Variants in FGF7 observed in about 807,000 individuals in gnomAD.
FGF7 encodes fibroblast growth factor 7.
Under a neutral mutation model 20.5 loss-of-function variants are expected in FGF7, and 6 were observed. The ratio of observed to expected loss-of-function variants is 0.29; its 90% confidence interval spans 0.16 to 0.58. The LOEUF is 0.58. Among genes scored for constraint, FGF7 ranks in the 20% least tolerant of loss-of-function variants. The probability of loss-of-function intolerance (pLI) is 0.90; values close to 1 mark genes in which losing one functional copy is unlikely to be tolerated. For synonymous variants in FGF7, 64 were observed against 74.7 expected (o/e 0.86, Z 0.74); for missense variants, 144 against 228.8 (o/e 0.63, Z 2.39).
intron 2 of FGF7, among the ~76,000 whole-genome samples, chr15:49,466,062 A>G (rs2054241389): frequency 6.6e-6 from 1 of 152,234 alleles, no homozygotes; most frequent in Non-Finnish European, 1.5e-5. Flanking sequence ...GCTAATTAAT[A>G]GTACAGCAGT....
intron 2 of FGF7, among the ~76,000 whole-genome samples, chr15:49,461,619 A>G (rs570133592): frequency 1.2e-4 from 19 of 152,374 alleles, no homozygotes; most frequent in Admixed American, 1.3e-4. Flanking sequence ...ACTGGCTAGA[A>G]TAAGTTGTAC....
In FGF7 at chr15:49,462,436, G is replaced by C. The variant is rs540575542; in HGVS notation, c.287-20715G>C. Among the ~76,000 whole-genome samples, 136 of 152,326 alleles carry C rather than the reference G, an allele frequency of 8.9e-4. 5 individuals carry two copies. In the South Asian group the frequency reaches 0.027, roughly 30 times the overall value. On this transcript the variant is annotated intron_variant, in intron 2 of 3. Coordinates refer to ENST00000267843, the MANE Select transcript of FGF7 (RefSeq NM_002009.4). ...TCACTAGAGAGCTGGCCTTAGTCCA[G>C]AAGTATTTTTAGTCCAGTCTCATAA...
intron 2 of FGF7, among the ~76,000 whole-genome samples, chr15:49,447,538 C>T (rs926175186): frequency 6.6e-6 from 1 of 151,676 alleles, no homozygotes; most frequent in Non-Finnish European, 1.5e-5. Context: ...GTCTTGGTAG[C>T]ATATGCGTTG....
chr15:49,461,910 C>T (rs929818125), intron 2 of FGF7, among the ~76,000 whole-genome samples: 2 of 152,226 alleles, frequency 1.3e-5, no homozygotes, highest in Non-Finnish European at 1.5e-5. Context: ...GGCAGTGGCT[C>T]TGTAATCCTA....
intron 2 of FGF7, among the ~76,000 whole-genome samples, chr15:49,457,506 CT>C (rs1461462727): frequency 7.2e-5 from 11 of 151,874 alleles, no homozygotes; most frequent in Admixed American, 3.3e-4. Context: ...GTCACTTTTT[CT>C]TAAAAATCTA....
At chr15:49,449,056 T>C (rs556694404) in intron 2 of FGF7, among the ~76,000 whole-genome samples, 1 of 151,870 alleles carries the variant, frequency 6.6e-6, no homozygotes, top group Non-Finnish European at 1.5e-5. Context: ...CCTTGATAAG[T>C]AATTTTTGGC....
intron 2 of FGF7, among the ~76,000 whole-genome samples, chr15:49,436,008 A>C (rs1233380908): frequency 6.6e-6 from 1 of 151,560 alleles, no homozygotes; most frequent in African/African-American, 2.4e-5. Flanking sequence ...ATTAATTCTC[A>C]AAATATCTCC....
At chr15:49,448,833 A>G (rs2052463105) in intron 2 of FGF7, among the ~76,000 whole-genome samples, 1 of 151,828 alleles carries the variant, frequency 6.6e-6, no homozygotes, top group African/African-American at 2.4e-5. Flanking sequence ...AAGCTCTCCA[A>G]GAATGAACCC....
At chr15:49,460,629 A>G (rs1309292862) in intron 2 of FGF7, among the ~76,000 whole-genome samples, 21 of 152,212 alleles carry the variant, frequency 1.4e-4, no homozygotes, top group Admixed American at 1.4e-3. Flanking sequence ...GTCAGAAAAC[A>G]AATATTTTAA....
chr15:49,472,205 T>C (rs2054844051), intron 2 of FGF7, among the ~76,000 whole-genome samples: 1 of 152,160 alleles, frequency 6.6e-6, no homozygotes, highest in Non-Finnish European at 1.5e-5. Context: ...AAGATTCAGT[T>C]TGGCTTAAAA....
At position 49,486,019 on chromosome 15, in the gene FGF7, G is replaced by A. The variant is rs3959665; in HGVS notation, c.*1515G>A. On this transcript the variant is annotated 3_prime_UTR_variant, in exon 4 of 4. Coordinates refer to ENST00000267843, the MANE Select transcript of FGF7 (RefSeq NM_002009.4). ...CCTACAGATAACAGGATTATTACAA[G>A]GATGAATTTCCACTTCAAAAGTCTT... 6.6e-6 allele frequency: 1 copy of A among 151,922 alleles called. No homozygotes were observed. The highest frequency in any genetic ancestry group is 2.4e-5 in the African/African-American group (1 of 41,400). The allele number at this position is 151,922 out of a possible 1,614,324, so 9.4% of individuals were successfully genotyped here.
chr15:49,427,231 G>C (rs922031000), intron 2 of FGF7, among the ~76,000 whole-genome samples: 1 of 151,934 alleles, frequency 6.6e-6, no homozygotes, highest in African/African-American at 2.4e-5. Flanking sequence ...CTCAGAATTT[G>C]TTTAAAATAA....
At chr15:49,442,321 G>T (rs2151842391) in intron 2 of FGF7, among the ~76,000 whole-genome samples, 1 of 151,542 alleles carries the variant, frequency 6.6e-6, no homozygotes, top group Non-Finnish European at 1.5e-5. Flanking sequence ...ATTCTTCAGG[G>T]CCCAGATTAA....
chr15:49,438,715 C>T (rs530445233), intron 2 of FGF7, among the ~76,000 whole-genome samples: 24 of 151,726 alleles, frequency 1.6e-4, no homozygotes, highest in Admixed American at 4.6e-4. Flanking sequence ...AAATAGTTGA[C>T]TCTCCTAGGC....
At chr15:49,483,658 C>G (rs2056150982) in intron 3 of FGF7, among the ~76,000 whole-genome samples, 1 of 152,002 alleles carries the variant, frequency 6.6e-6, no homozygotes, top group Non-Finnish European at 1.5e-5. Context: ...GTTCATTCAT[C>G]AACATCAATC....
intron 2 of FGF7, among the ~76,000 whole-genome samples, chr15:49,469,291 C>T (rs144130237): frequency 8.5e-5 from 13 of 152,120 alleles, no homozygotes; most frequent in African/African-American, 3.1e-4. Flanking sequence ...TACCACTTAT[C>T]GAATACTGTC....
chr15:49,466,221 T>C (rs1220005394), intron 2 of FGF7, among the ~76,000 whole-genome samples: 5 of 152,228 alleles, frequency 3.3e-5, no homozygotes, highest in Non-Finnish European at 7.3e-5. Context: ...GATCAGACTT[T>C]CTGAGGAACG....
At chr15:49,454,165 A>C (rs936956569) in intron 2 of FGF7, among the ~76,000 whole-genome samples, 7 of 152,160 alleles carry the variant, frequency 4.6e-5, no homozygotes, top group Non-Finnish European at 8.8e-5. Flanking sequence ...AGAGTGAATG[A>C]TTTATTGAAG....
chr15:49,477,054 T>C (rs1392199494), intron 2 of FGF7, among the ~76,000 whole-genome samples: 1 of 136,112 alleles, frequency 7.3e-6, no homozygotes, highest in East Asian at 2.2e-4. Flanking sequence ...AGCGAGACTC[T>C]GTCTCGAAAA....
Sources: gnomAD v4.1 joint callset for allele counts (sites outside exome capture counted in the v4.1 genomes callset) on GRCh38, gnomAD v4.1.1 for gene constraint, MANE v1.5 for transcripts, NCBI Gene and HGNC (gene_info 2026-07-23, HGNC 2026-07-21) for gene names.